Variants in CDS2 observed in about 807,000 individuals in gnomAD.
CDS2 encodes the protein CDP-diacylglycerol synthase 2.
In CDS2, 47 loss-of-function variants were observed where a neutral mutation model predicts 59.0. The observed-to-expected ratio is 0.80, with a 90% CI of 0.63 to 1.02. The LOEUF is 1.02. Ranked by LOEUF, CDS2 falls within the 50% of genes least tolerant of loss-of-function variation. The probability of loss-of-function intolerance (pLI) is 0.00; values close to 1 mark genes in which losing one functional copy is unlikely to be tolerated. For missense variants in CDS2, 356 were observed against 558.9 expected, an observed-to-expected ratio of 0.64 and a Z score of 3.66; for synonymous variants, 207 against 206.4, an observed-to-expected ratio of 1.00 and a Z score of -0.02.
At position 5,134,342 on chromosome 20, in the gene CDS2, G is replaced by A. The variant is rs959666448; in HGVS notation, c.57+7193G>A. Among the ~76,000 whole-genome samples, 7 of 152,044 alleles carry A rather than the reference G, an allele frequency of 4.6e-5. No homozygotes were observed. In the South Asian group the frequency reaches 1.5e-3, roughly 32 times the overall value. ...TCTTTAGAACATTCACTGACTGTAG[G>A]GTCTGCTATGGACGGTGTCTGTATT... is the stretch of plus-strand genomic sequence containing the variant. On this transcript the variant is annotated intron_variant, in intron 1 of 12. Transcript: ENST00000460006.
chr20:5,187,354 C>T (rs1003462557), intron 10 of CDS2: 32 of 165,524 alleles, frequency 1.9e-4, no homozygotes, highest in African/African-American at 6.9e-4. Flanking sequence ...TTAACACTCT[C>T]TACTGAAATG....
rs201113555 is a variant in CDS2 at position 5,183,048 on chromosome 20, CT to C, written c.589-5del. 6.2e-6 allele frequency: 10 copies of C among 1,606,752 alleles called. No homozygotes were observed. Among genetic ancestry groups the C allele is most frequent in the Non-Finnish European group, 8.5e-6 (10 of 1,173,960 alleles). ...AAACTGGTAAGTAGTGTTTATTTTT[CT>C]TTTTTTTGCAGTTTGGCTGGACCCA... On this transcript the variant is annotated splice_polypyrimidine_tract_variant and intron_variant, in intron 6 of 12. Coordinates refer to ENST00000460006, the MANE Select transcript of CDS2 (RefSeq NM_003818.4).
chr20:5,182,546 A>T, intron 6 of CDS2, 101 bp downstream of exon 6: 1 of 1,068,052 alleles, frequency 9.4e-7, no homozygotes, highest in Non-Finnish European at 1.4e-6. Flanking sequence ...ATCAAAACTC[A>T]GGAACATGGT....
chr20:5,145,328 A>G (rs924362975), intron 1 of CDS2, among the ~76,000 whole-genome samples: 2 of 145,838 alleles, frequency 1.4e-5, no homozygotes. Flanking sequence ...ATTAACCCAG[A>G]TGGTCTGTTT....
chr20:5,153,262 A>G (rs1243895341), intron 1 of CDS2, among the ~76,000 whole-genome samples: 1 of 152,166 alleles, frequency 6.6e-6, no homozygotes, highest in African/African-American at 2.4e-5. Context: ...TTTTATGTAC[A>G]CTTTTTATTA....
intron 1 of CDS2, among the ~76,000 whole-genome samples, chr20:5,145,690 G>GT (rs2090736106): frequency 6.6e-6 from 1 of 152,118 alleles, no homozygotes; most frequent in Non-Finnish European, 1.5e-5. Flanking sequence ...GTCCCCTGCT[G>GT]TTTCTAAGGC....
At chr20:5,146,471 G>A (rs965221068) in intron 1 of CDS2, among the ~76,000 whole-genome samples, 3 of 152,208 alleles carry the variant, frequency 2.0e-5, no homozygotes, top group East Asian at 1.9e-4. Context: ...GTTGAGTAGC[G>A]TAAGGAGACG....
At chr20:5,162,628 G>C (rs2090883632) in intron 1 of CDS2, among the ~76,000 whole-genome samples, 1 of 152,146 alleles carries the variant, frequency 6.6e-6, no homozygotes, top group African/African-American at 2.4e-5. Flanking sequence ...TGGGGTTGGA[G>C]ATACAAATGT....
At chr20:5,187,911 C>CTG (rs1027403894) in intron 10 of CDS2, 1 of 150,696 alleles carries the variant, frequency 6.6e-6, no homozygotes, top group Non-Finnish European at 1.5e-5. Flanking sequence ...AGAAAAATGA[C>CTG]TGACAGTAAT....
At chr20:5,139,341 A>G (rs1193517812) in intron 1 of CDS2, among the ~76,000 whole-genome samples, 1 of 152,240 alleles carries the variant, frequency 6.6e-6, no homozygotes, top group African/African-American at 2.4e-5. Flanking sequence ...CAGCCTAGGC[A>G]ACAGAGCCAA....
intron 1 of CDS2, among the ~76,000 whole-genome samples, chr20:5,145,236 A>ACCCAC (rs2090731194): frequency 1.9e-5 from 1 of 51,968 alleles, no homozygotes; most frequent in Non-Finnish European, 3.8e-5. Flanking sequence ...GAAAGGAAAG[A>ACCCAC]CCCCCCCCCC....
At chr20:5,161,561 T>C (rs2090877027) in intron 1 of CDS2, among the ~76,000 whole-genome samples, 2 of 152,276 alleles carry the variant, frequency 1.3e-5, no homozygotes, top group South Asian at 4.1e-4. Context: ...ATACTTTGTG[T>C]AAGTAGTATA....
intron 1 of CDS2, among the ~76,000 whole-genome samples, chr20:5,131,848 G>T (rs1379425106): frequency 1.3e-5 from 2 of 152,204 alleles, no homozygotes; most frequent in Non-Finnish European, 2.9e-5. Flanking sequence ...TGCTTTACAG[G>T]ATATTCATGT....
chr20:5,162,927 G>T (rs1226838301), intron 1 of CDS2, among the ~76,000 whole-genome samples: 1 of 152,210 alleles, frequency 6.6e-6, no homozygotes, highest in Non-Finnish European at 1.5e-5. Flanking sequence ...GAATCTGTCT[G>T]ATTTGGCAGC....
intron 5 of CDS2, 113 bp from the exon 6 acceptor site, chr20:5,182,274 T>G: frequency 1.2e-6 from 1 of 811,238 alleles, no homozygotes; most frequent in Non-Finnish European, 1.9e-6. Flanking sequence ...CATTGTGCAC[T>G]GGTTAGCTGC....
rs773575866 is a variant in CDS2 at position 5,145,822 on chromosome 20, G to GGTTTTTTTTTTT, written c.57+18673_57+18674insGTTTTTTTTTTT. 6.6e-3 allele frequency among the ~76,000 whole-genome samples: 850 copies of GGTTTTTTTTTTT among 129,096 alleles called. 21 individuals carry two copies. Among genetic ancestry groups the GGTTTTTTTTTTT allele is most frequent in the African/African-American group, 0.018 (587 of 33,424 alleles). 84.7% of individuals were successfully genotyped at this position (129,096 alleles called of 152,430 possible). A position where few individuals can be genotyped will look rare whatever the true frequency, so the allele number is the denominator to read the frequency against. On this transcript the variant is annotated intron_variant, in intron 1 of 12. Transcript: ENST00000460006. The stretch of plus-strand genomic sequence containing the variant: ...CCAAGTTGTGTGTTTTGCTTTTTGT[G>GGTTTTTTTTTTT]TTTTTTTTTTTTTTTTTTTGAGACA...
chr20:5,169,864 G>A (rs6085023), intron 1 of CDS2, among the ~76,000 whole-genome samples: 2 of 152,314 alleles, frequency 1.3e-5, no homozygotes, highest in East Asian at 3.9e-4. Context: ...AAGCAAGGTA[G>A]GCAAATGCTG....
chr20:5,155,745 TCA>T (rs2090828761), intron 1 of CDS2, among the ~76,000 whole-genome samples: 1 of 152,250 alleles, frequency 6.6e-6, no homozygotes. Context: ...AAGATAATAT[TCA>T]CAGTTTCCAG....
At chr20:5,147,992 T>C (rs1201182157) in intron 1 of CDS2, among the ~76,000 whole-genome samples, 2 of 152,106 alleles carry the variant, frequency 1.3e-5, no homozygotes, top group Admixed American at 1.3e-4. Context: ...AAAGTCTCAC[T>C]CTGTCGGCCA....
Sources: gnomAD v4.1 joint callset for allele counts (sites outside exome capture counted in the v4.1 genomes callset) on GRCh38, gnomAD v4.1.1 for gene constraint, MANE v1.5 for transcripts, NCBI Gene and HGNC (gene_info 2026-07-23, HGNC 2026-07-21) for gene names.